ZZZ3: variants seen among roughly 807,000 people sequenced by gnomAD.
The protein encoded by ZZZ3 is ZZ-type zinc finger-containing protein 3.
Under a neutral mutation model 95.2 loss-of-function variants are expected in ZZZ3, and 22 were observed. That is an observed-to-expected ratio of 0.23 (90% confidence interval 0.17 to 0.33). ZZZ3 has a LOEUF of 0.33. Ranked by LOEUF, ZZZ3 falls within the 10% of genes least tolerant of loss-of-function variation. ZZZ3 has a pLI of 1.00. For missense variants in ZZZ3, 885 were observed against 1,066.5 expected, an observed-to-expected ratio of 0.83 and a Z score of 2.37; for synonymous variants, 335 against 358.9, an observed-to-expected ratio of 0.93 and a Z score of 0.75.
intron 1 of ZZZ3, among the ~76,000 whole-genome samples, chr1:77,654,201 A>AC (rs1398256903): frequency 6.6e-6 from 1 of 151,740 alleles, no homozygotes; most frequent in East Asian, 1.9e-4. Context: ...AAAAAAAAAA[A>AC]AAAAAAAGTG....
chr1:77,611,146 T>C (rs550183296), intron 5 of ZZZ3, among the ~76,000 whole-genome samples: 67 of 138,012 alleles, frequency 4.9e-4, no homozygotes, highest in South Asian at 1.6e-3. Context: ...AAAATCAACA[T>C]ACAATAATCA....
At chr1:77,617,232 GT>G (rs563212760) in intron 5 of ZZZ3, among the ~76,000 whole-genome samples, 179 of 152,242 alleles carry the variant, frequency 1.2e-3, no homozygotes, top group African/African-American at 4.1e-3. Context: ...CCATTATCCA[GT>G]TCCAAAACAT....
chr1:77,630,656 T>G (rs1482598311), intron 5 of ZZZ3, among the ~76,000 whole-genome samples: 1 of 152,172 alleles, frequency 6.6e-6, no homozygotes, highest in Non-Finnish European at 1.5e-5. Context: ...AATTGTAAAA[T>G]GCTCAGATGA....
intron 4 of ZZZ3, among the ~76,000 whole-genome samples, chr1:77,637,485 A>G (rs953765651): frequency 6.6e-6 from 1 of 152,160 alleles, no homozygotes; most frequent in Non-Finnish European, 1.5e-5. Context: ...ATTATCTAAT[A>G]AACTGAGTGC....
Position 77,582,085 on chromosome 1 carries a change from C to T in ZZZ3, c.1686G>A (p.Leu562=). Residue 562 remains leucine (L), a synonymous_variant, in exon 7 of 15, where the codon TTG becomes TTA. Coordinates refer to ENST00000370801, the MANE Select transcript of ZZZ3 (RefSeq NM_015534.6). ...GLPYPQRVVQ[L]PEIVWDQYTH... The stretch of plus-strand genomic sequence containing the variant: ...TATATTGGTCCCATACGATCTCAGG[C>T]AATTGAACAACTCTCTGTGGATATG... 1 of 1,613,044 alleles carries T rather than the reference C, an allele frequency of 6.2e-7. No homozygotes were observed. The highest frequency in any genetic ancestry group is 8.5e-7 in the Non-Finnish European group (1 of 1,179,638).
intron 3 of ZZZ3, among the ~76,000 whole-genome samples, chr1:77,640,044 A>G (rs1668632298): frequency 1.3e-5 from 2 of 152,272 alleles, no homozygotes; most frequent in African/African-American, 4.8e-5. Context: ...GGTTATGCAT[A>G]AAAGAATCAC....
At chr1:77,576,981 G>A (rs1386557525) in intron 11 of ZZZ3, among the ~76,000 whole-genome samples, 1 of 152,072 alleles carries the variant, frequency 6.6e-6, no homozygotes. Flanking sequence ...CTGAGGACAG[G>A]GAGGTTAAGT....
chr1:77,664,101 A>T (rs1035169014), intron 1 of ZZZ3, among the ~76,000 whole-genome samples: 1 of 151,790 alleles, frequency 6.6e-6, no homozygotes, highest in Admixed American at 6.6e-5. Context: ...AAAAAAAAAC[A>T]AACTATCTAC....
chr1:77,563,552 C>T lies in ZZZ3; in HGVS notation c.*2088G>A, dbSNP rs1335557610. On this transcript the variant is annotated 3_prime_UTR_variant, in exon 15 of 15. Coordinates refer to ENST00000370801, the MANE Select transcript of ZZZ3 (RefSeq NM_015534.6). ...TGGTTTGTCTATTCCATTTATATAA[C>T]AATTGTATCACTCATATCCCTCTTC... 1.3e-5 allele frequency: 2 copies of T among 152,178 alleles called. No homozygotes were observed. Among genetic ancestry groups the T allele is most frequent in the African/African-American group, 4.8e-5 (2 of 41,436 alleles). 9.4% of individuals were successfully genotyped at this position (152,178 alleles called of 1,614,324 possible).
rs995815834 is a variant in ZZZ3 at position 77,682,603 on chromosome 1, G to C, written c.-421C>G. The stretch of plus-strand genomic sequence containing the variant: ...GACTTGCCTTGTAGAAAGAGTTGCA[G>C]GTCCCAGGCCCCCGGAACCCAAGGC... On this transcript the variant is annotated 5_prime_UTR_variant, in exon 1 of 15. Coordinates refer to ENST00000370801, the MANE Select transcript of ZZZ3 (RefSeq NM_015534.6). The C allele has an allele frequency of 2.0e-5, 3 of 152,268 alleles. No homozygotes were observed. Among genetic ancestry groups the C allele is most frequent in the Admixed American group, 6.5e-5 (1 of 15,280 alleles). 9.4% of individuals were successfully genotyped at this position (152,268 alleles called of 1,614,324 possible). A position where few individuals can be genotyped will look rare whatever the true frequency, so the allele number is the denominator to read the frequency against.
intron 1 of ZZZ3, among the ~76,000 whole-genome samples, chr1:77,652,815 T>G (rs1669929575): frequency 6.6e-6 from 1 of 152,150 alleles, no homozygotes; most frequent in Non-Finnish European, 1.5e-5. Context: ...TGGATGAACC[T>G]TAAAAACATT....
At chr1:77,665,815 G>A (rs570851114) in intron 1 of ZZZ3, among the ~76,000 whole-genome samples, 1 of 152,260 alleles carries the variant, frequency 6.6e-6, no homozygotes, top group South Asian at 2.1e-4. Context: ...GGCCGAGGCG[G>A]GCGGATCACC....
At chr1:77,589,412 TTTTATTTATTTA>T (rs71244406) in intron 5 of ZZZ3, among the ~76,000 whole-genome samples, 4,292 of 144,540 alleles carry the variant, frequency 0.03, 129 homozygotes, top group Middle Eastern at 0.092. Context: ...TGGAGGTTGA[TTTTATTTATTTA>T]TTTATTTATT....
At chr1:77,571,486 T>G (rs1661378887) in intron 12 of ZZZ3, among the ~76,000 whole-genome samples, 1 of 152,214 alleles carries the variant, frequency 6.6e-6, no homozygotes, top group African/African-American at 2.4e-5. Context: ...TATACCTATG[T>G]TCACAGTAGC....
chr1:77,603,306 C>T (rs527383907), intron 5 of ZZZ3, among the ~76,000 whole-genome samples: 62 of 152,202 alleles, frequency 4.1e-4, no homozygotes, highest in Middle Eastern at 3.4e-3. Context: ...CTTAAACTCC[C>T]GGGCTCAAGT....
chr1:77,670,827 A>G (rs1671716095), intron 1 of ZZZ3, among the ~76,000 whole-genome samples: 1 of 151,952 alleles, frequency 6.6e-6, no homozygotes, highest in South Asian at 2.1e-4. Flanking sequence ...GCGGGTATGC[A>G]TGATAAAAAC....
chr1:77,577,499 A>G (rs1570410073), intron 11 of ZZZ3, among the ~76,000 whole-genome samples: 1 of 152,216 alleles, frequency 6.6e-6, no homozygotes, highest in East Asian at 1.9e-4. Flanking sequence ...AATTAAAACA[A>G]GCTTCCAAAG....
At chr1:77,677,885 T>C (rs187868711) in intron 1 of ZZZ3, among the ~76,000 whole-genome samples, 194 of 152,340 alleles carry the variant, frequency 1.3e-3, no homozygotes, top group Admixed American at 9.4e-3. Context: ...ATAATTGTTA[T>C]ATTAATTCCC....
chr1:77,666,409 TG>T (rs1213992254), intron 1 of ZZZ3, among the ~76,000 whole-genome samples: 2 of 152,120 alleles, frequency 1.3e-5, no homozygotes. Flanking sequence ...GGTGCACGCT[TG>T]TAATTCCAGC....
Sources: allele counts gnomAD v4.1 joint callset (sites outside exome capture counted in the v4.1 genomes callset), GRCh38; gene constraint gnomAD v4.1.1; transcripts MANE v1.5; gene names NCBI Gene and HGNC (gene_info 2026-07-23, HGNC 2026-07-21).